SPMIP2: variants seen among roughly 807,000 people sequenced by gnomAD.
The protein encoded by SPMIP2 is sperm microtubule inner protein 2, also known as protein SPMIP2.
the SPMIP2 span, among the ~76,000 whole-genome samples, chr4:159,076,905 G>A: frequency 1.8e-3 from 277 of 151,194 alleles, no homozygotes; most frequent in Non-Finnish European, 3.0e-3. Flanking sequence ...GTGCCGTCTC[G>A]GCTCACTGCA....
chr4:159,069,572 CCA>C, the SPMIP2 span, among the ~76,000 whole-genome samples: 1 of 150,900 alleles, frequency 6.6e-6, no homozygotes, highest in Non-Finnish European at 1.5e-5. Flanking sequence ...ATATTTGGGA[CCA>C]CAGGCAAGTG....
At chr4:159,014,897 G>A in the SPMIP2 span, among the ~76,000 whole-genome samples, 2 of 152,172 alleles carry the variant, frequency 1.3e-5, no homozygotes, top group African/African-American at 4.8e-5. Context: ...AGCCATTCTA[G>A]GCTGCATGCA....
the SPMIP2 span, chr4:158,915,418 T>G: frequency 1.5e-6 from 2 of 1,361,646 alleles, no homozygotes; most frequent in South Asian, 2.7e-5. Flanking sequence ...GGCCACCAGT[T>G]TTCAGATAGT....
chr4:158,983,712 G>A, the SPMIP2 span, among the ~76,000 whole-genome samples: 34 of 79,408 alleles, frequency 4.3e-4, no homozygotes, highest in East Asian at 9.6e-3. Flanking sequence ...AAAGACCATC[G>A]AGACTAGGAA....
chr4:158,915,380 T>C, the SPMIP2 span: 2 of 1,584,080 alleles, frequency 1.3e-6, no homozygotes, highest in Non-Finnish European at 1.7e-6. Context: ...AACAAATTGG[T>C]TCTGAAATGG....
chr4:158,936,384 G>A, the SPMIP2 span, among the ~76,000 whole-genome samples: 47 of 152,306 alleles, frequency 3.1e-4, 1 homozygote, highest in East Asian at 7.3e-3. Flanking sequence ...GCATCAGAAC[G>A]TGATGTAACT....
At chr4:158,909,044 A>G in the SPMIP2 span, among the ~76,000 whole-genome samples, 2 of 152,242 alleles carry the variant, frequency 1.3e-5, no homozygotes, top group Non-Finnish European at 1.5e-5. Context: ...AAGTAGTATT[A>G]TAAATTACTT....
chr4:159,009,881 G>T, the SPMIP2 span, among the ~76,000 whole-genome samples: 2 of 152,160 alleles, frequency 1.3e-5, no homozygotes, highest in Admixed American at 1.3e-4. Context: ...AGCTACTTGG[G>T]AGGCTGAGGT....
At chr4:158,907,630 T>C in the SPMIP2 span, 1 of 152,234 alleles carries the variant, frequency 6.6e-6, no homozygotes, top group African/African-American at 2.4e-5. Flanking sequence ...ATATGTACTT[T>C]AGAGAATATT....
At chr4:159,056,685 T>G in the SPMIP2 span, among the ~76,000 whole-genome samples, 3 of 152,170 alleles carry the variant, frequency 2.0e-5, no homozygotes, top group African/African-American at 7.2e-5. Flanking sequence ...AGGCTTCCTA[T>G]GTAGATCTTC....
At chr4:158,991,075 G>C in the SPMIP2 span, among the ~76,000 whole-genome samples, 1 of 152,060 alleles carries the variant, frequency 6.6e-6, no homozygotes, top group East Asian at 1.9e-4. Context: ...ACCAAGCTCT[G>C]CTAAAATTGG....
the SPMIP2 span, among the ~76,000 whole-genome samples, chr4:158,994,546 T>C: frequency 1.3e-5 from 2 of 152,214 alleles, no homozygotes; most frequent in Non-Finnish European, 2.9e-5. Context: ...GTCAATCCTC[T>C]ATTTCAGTGA....
At chr4:158,936,207 A>G in the SPMIP2 span, among the ~76,000 whole-genome samples, 2 of 152,204 alleles carry the variant, frequency 1.3e-5, no homozygotes, top group Non-Finnish European at 2.9e-5. Flanking sequence ...GGCAAAATTA[A>G]TGTCTTTTTG....
the SPMIP2 span, among the ~76,000 whole-genome samples, chr4:159,050,151 T>C: frequency 3.3e-5 from 5 of 152,168 alleles, no homozygotes; most frequent in African/African-American, 9.7e-5. Context: ...CAGTCTTTAT[T>C]TTGACAGCAT....
At chr4:159,000,689 T>A in the SPMIP2 span, among the ~76,000 whole-genome samples, 2 of 151,950 alleles carry the variant, frequency 1.3e-5, no homozygotes, top group African/African-American at 4.8e-5. Context: ...AGATGGGGCC[T>A]CACCATATTG....
the SPMIP2 span, among the ~76,000 whole-genome samples, chr4:159,082,449 C>CTGTGTGTGTGTGTGTGTGTG: frequency 8.1e-5 from 9 of 111,660 alleles, no homozygotes; most frequent in East Asian, 2.5e-4. Context: ...CCACTTTTCT[C>CTGTGTGTGTGTGTGTGTGTG]TGTGTGTGTG....
At chr4:159,074,727 G>A in the SPMIP2 span, among the ~76,000 whole-genome samples, 1 of 152,156 alleles carries the variant, frequency 6.6e-6, no homozygotes, top group Non-Finnish European at 1.5e-5. Context: ...CCAGAAGAAG[G>A]AGGATATTGA....
chr4:158,960,778 G>A, the SPMIP2 span, among the ~76,000 whole-genome samples: 1 of 152,150 alleles, frequency 6.6e-6, no homozygotes, highest in Admixed American at 6.5e-5. Context: ...CTGGATTATA[G>A]ACAGACTGTG....
the SPMIP2 span, among the ~76,000 whole-genome samples, chr4:159,062,697 G>GTCTATCTCTCTCTCTCTCTCTCTCTC: frequency 1.1e-5 from 1 of 95,112 alleles, no homozygotes; most frequent in Non-Finnish European, 2.2e-5. Context: ...TTGAAACAGG[G>GTCTATCTCTCTCTCTCTCTCTCTCTC]TCTCTCTCTC....
Sources: gnomAD v4.1 joint callset for allele counts (sites outside exome capture counted in the v4.1 genomes callset) on GRCh38, gnomAD v4.1.1 for gene constraint, MANE v1.5 for transcripts, NCBI Gene and HGNC (gene_info 2026-07-23, HGNC 2026-07-21) for gene names.